Variants in EML5 observed in about 807,000 individuals in gnomAD.
EML5 encodes the protein EMAP like 5.
Under a neutral mutation model 250.0 loss-of-function variants are expected in EML5, and 120 were observed. That is an observed-to-expected ratio of 0.48 (90% confidence interval 0.41 to 0.56). EML5 has a LOEUF of 0.56. EML5 is among the 20% of genes least tolerant of loss of function. EML5 has a pLI of 0.00. For synonymous variants in EML5, 771 were observed against 806.5 expected (o/e 0.96, Z 0.75); for missense variants, 2,006 against 2,437.6 (o/e 0.82, Z 3.73).
At chr14:88,705,025 T>C (rs774101164) in intron 12 of EML5, 47 bp from the exon 13 acceptor site, 2 of 1,330,502 alleles carry the variant, frequency 1.5e-6, no homozygotes, top group East Asian at 2.4e-5. Flanking sequence ...TATATACTAA[T>C]AAAGGTGTTC....
chr14:88,651,154 CTTTTTT>C (rs869045980), intron 27 of EML5, among the ~76,000 whole-genome samples: 3 of 93,148 alleles, frequency 3.2e-5, no homozygotes, highest in Admixed American at 2.7e-4. Context: ...TTGTCATTTT[CTTTTTT>C]TTTTTTTTTT....
intron 33 of EML5, among the ~76,000 whole-genome samples, chr14:88,631,754 G>A (rs1595285487): frequency 6.6e-6 from 1 of 152,244 alleles, no homozygotes; most frequent in Non-Finnish European, 1.5e-5. Context: ...TGGGCAACAA[G>A]AGTGAAACTC....
intron 8 of EML5, among the ~76,000 whole-genome samples, chr14:88,716,298 G>A (rs1307675449): frequency 6.6e-6 from 1 of 152,132 alleles, no homozygotes; most frequent in African/African-American, 2.4e-5. Context: ...TGAAGCTTCT[G>A]TACTTTTTTT....
intron 1 of EML5, among the ~76,000 whole-genome samples, chr14:88,773,714 T>G (rs1382889030): frequency 6.6e-6 from 1 of 152,222 alleles, no homozygotes; most frequent in African/African-American, 2.4e-5. Flanking sequence ...TGGTTTTATT[T>G]TGTTTGTTTT....
intron 17 of EML5, among the ~76,000 whole-genome samples, chr14:88,691,632 C>A (rs142660720): frequency 6.6e-6 from 1 of 152,172 alleles, no homozygotes; most frequent in South Asian, 2.1e-4. Context: ...ACTTGAAATT[C>A]TCAAAGCCTA....
chr14:88,775,283 A>G (rs936581616), intron 1 of EML5, among the ~76,000 whole-genome samples: 4 of 151,970 alleles, frequency 2.6e-5, no homozygotes, highest in Non-Finnish European at 5.9e-5. Context: ...GCATGGCCAT[A>G]GGGGTGGGTA....
chr14:88,617,582 A>G (rs986553534), intron 41 of EML5: 3 of 152,404 alleles, frequency 2.0e-5, no homozygotes, highest in South Asian at 4.1e-4. Flanking sequence ...CAGCCTGGGC[A>G]ATATTGTGAG....
chr14:88,711,222 G>T (rs930324140), intron 10 of EML5, among the ~76,000 whole-genome samples: 1 of 151,398 alleles, frequency 6.6e-6, no homozygotes. Context: ...GTTTGGCTCT[G>T]TGTCCCCACC....
rs540654241 is a variant in EML5 at position 88,759,117 on chromosome 14, T to C, written c.198-4446A>G. Among the ~76,000 whole-genome samples the C allele has an allele frequency of 2.0e-4, 30 of 152,320 alleles. No individual in the cohort carries two copies. In the South Asian group the frequency reaches 6.2e-3, roughly 32 times the overall value. ...TTGACTATACTAAAAATCACTGAATTGTGCACTTAAAGTGTACATTTTATG... is the reference window on the plus strand; with the variant it reads ...TTGACTATACTAAAAATCACTGAATCGTGCACTTAAAGTGTACATTTTATG... On this transcript the variant is annotated intron_variant, in intron 1 of 43. Transcript: ENST00000554922.
chr14:88,641,408 C>T (rs1430008649), intron 31 of EML5, among the ~76,000 whole-genome samples: 6 of 151,984 alleles, frequency 3.9e-5, no homozygotes, highest in Non-Finnish European at 7.4e-5. Flanking sequence ...AACATAGATG[C>T]GAAAAGCCTC....
chr14:88,761,735 C>T (rs556476599), intron 1 of EML5, among the ~76,000 whole-genome samples: 5 of 152,256 alleles, frequency 3.3e-5, no homozygotes, highest in African/African-American at 4.8e-5. Flanking sequence ...TTGGGTCAAA[C>T]GGTATTTCTG....
chr14:88,671,068 G>C (rs1318825441), intron 21 of EML5, among the ~76,000 whole-genome samples: 1 of 152,106 alleles, frequency 6.6e-6, no homozygotes, highest in Non-Finnish European at 1.5e-5. Context: ...ACCCCAGTAA[G>C]ATACTCCATG....
intron 1 of EML5, among the ~76,000 whole-genome samples, chr14:88,769,799 AG>A (rs2094368556): frequency 6.6e-6 from 1 of 152,182 alleles, no homozygotes; most frequent in African/African-American, 2.4e-5. Flanking sequence ...CCGAAACCAC[AG>A]GGCTCATTTA....
At chr14:88,665,547 C>G in intron 21 of EML5, 58 bp from the exon 22 acceptor site, 1 of 1,604,470 alleles carries the variant, frequency 6.2e-7, no homozygotes. Context: ...AAAGTATGGG[C>G]CAGGTGTGGT....
intron 1 of EML5, among the ~76,000 whole-genome samples, chr14:88,757,336 G>C (rs746402547): frequency 2.0e-5 from 3 of 151,926 alleles, no homozygotes; most frequent in Admixed American, 1.3e-4. Flanking sequence ...ACTCAAAATG[G>C]ATCAGAAGCT....
chr14:88,645,727 T>C (rs1382402813), intron 29 of EML5, among the ~76,000 whole-genome samples: 1 of 152,192 alleles, frequency 6.6e-6, no homozygotes, highest in South Asian at 2.1e-4. Context: ...CTGTAAACCA[T>C]ACAACACACT....
intron 10 of EML5, 107 bp downstream of exon 10, chr14:88,712,164 G>A (rs751870270): frequency 2.6e-5 from 19 of 744,770 alleles, no homozygotes; most frequent in South Asian, 2.5e-4. Flanking sequence ...ACCAATCAGT[G>A]TAATTTTAAA....
chr14:88,692,143 G>C (rs1351957116), intron 17 of EML5, among the ~76,000 whole-genome samples: 1 of 152,164 alleles, frequency 6.6e-6, no homozygotes, highest in Non-Finnish European at 1.5e-5. Flanking sequence ...GGGAGGCCAA[G>C]GCGGGTTGAT....
At chr14:88,725,353 C>A (rs2093650969) in intron 8 of EML5, among the ~76,000 whole-genome samples, 1 of 152,006 alleles carries the variant, frequency 6.6e-6, no homozygotes, top group South Asian at 2.1e-4. Flanking sequence ...AACTTAAAAA[C>A]CGGTCTCGGA....
Sources: allele counts gnomAD v4.1 joint callset (sites outside exome capture counted in the v4.1 genomes callset), GRCh38; gene constraint gnomAD v4.1.1; transcripts MANE v1.5; gene names NCBI Gene and HGNC (gene_info 2026-07-23, HGNC 2026-07-21).